MYO1B: variants seen among roughly 807,000 people sequenced by gnomAD.
MYO1B encodes myosin IB.
A neutral mutation model predicts 159.7 loss-of-function variants in MYO1B; 72 were observed. The ratio of observed to expected loss-of-function variants is 0.45; its 90% CI spans 0.37 to 0.55. The LOEUF is 0.55. Among genes scored for constraint, MYO1B ranks in the 20% least tolerant of loss-of-function variants. The probability of loss-of-function intolerance (pLI) is 0.00; values close to 1 mark genes in which losing one functional copy is unlikely to be tolerated. For synonymous variants in MYO1B, 468 were observed against 473.8 expected, an observed-to-expected ratio of 0.99 and a Z score of 0.16; for missense variants, 1,062 against 1,364.8, an observed-to-expected ratio of 0.78 and a Z score of 3.50.
chr2:191,303,331 G>T (rs1485262235), intron 3 of MYO1B, among the ~76,000 whole-genome samples: 1 of 152,158 alleles, frequency 6.6e-6, no homozygotes, highest in East Asian at 1.9e-4. Flanking sequence ...GTGTGCGTGT[G>T]TGTGTTGATG....
intron 11 of MYO1B, among the ~76,000 whole-genome samples, chr2:191,368,860 G>A (rs1694179212): frequency 6.6e-6 from 1 of 152,154 alleles, no homozygotes; most frequent in African/African-American, 2.4e-5. Context: ...TGTAGTCCCA[G>A]TCACTCGGGA....
At chr2:191,251,633 T>C (rs932125215) in intron 1 of MYO1B, among the ~76,000 whole-genome samples, 5 of 152,232 alleles carry the variant, frequency 3.3e-5, no homozygotes, top group Admixed American at 2.0e-4. Context: ...AATGAAAATA[T>C]AGTAATGTAT....
At chr2:191,278,965 T>C (rs1285076223) in intron 2 of MYO1B, among the ~76,000 whole-genome samples, 1 of 152,190 alleles carries the variant, frequency 6.6e-6, no homozygotes, top group Non-Finnish European at 1.5e-5. Context: ...AGATGGAGAG[T>C]AGAACATTAC....
chr2:191,279,947 G>T (rs1687958857), intron 2 of MYO1B, among the ~76,000 whole-genome samples: 1 of 152,142 alleles, frequency 6.6e-6, no homozygotes, highest in South Asian at 2.1e-4. Context: ...TCTGGATCTG[G>T]ATACACCCAT....
chr2:191,277,140 G>T, intron 2 of MYO1B, 110 bp downstream of exon 2: 1 of 1,353,554 alleles, frequency 7.4e-7, no homozygotes, highest in Non-Finnish European at 1.0e-6. Context: ...TTTGAGTCCA[G>T]CAGTATTTGC....
intron 4 of MYO1B, among the ~76,000 whole-genome samples, chr2:191,341,076 T>C (rs1486661339): frequency 6.6e-6 from 1 of 152,154 alleles, no homozygotes; most frequent in East Asian, 1.9e-4. Flanking sequence ...AGAAGAGCAG[T>C]CTTTTAAACT....
At chr2:191,277,388 C>T (rs780796620) in intron 2 of MYO1B, among the ~76,000 whole-genome samples, 36 of 152,188 alleles carry the variant, frequency 2.4e-4, no homozygotes, top group Non-Finnish European at 1.5e-4. Flanking sequence ...AGAAGCTACT[C>T]ATTGAAATGC....
chr2:191,360,923 T>A (rs764325620), intron 8 of MYO1B, among the ~76,000 whole-genome samples, 194 bp downstream of exon 8: 17 of 152,162 alleles, frequency 1.1e-4, no homozygotes, highest in Non-Finnish European at 2.4e-4. Context: ...ATGTTTTAAT[T>A]TTCAGTGTCA....
At chr2:191,333,494 G>T (rs1222738306) in intron 4 of MYO1B, among the ~76,000 whole-genome samples, 1 of 151,818 alleles carries the variant, frequency 6.6e-6, no homozygotes, top group Non-Finnish European at 1.5e-5. Context: ...TCCTAATTTT[G>T]TCAGTTCTGG....
At chr2:191,266,309 G>T (rs1418162955) in intron 1 of MYO1B, among the ~76,000 whole-genome samples, 1 of 152,186 alleles carries the variant, frequency 6.6e-6, no homozygotes, top group Non-Finnish European at 1.5e-5. Context: ...TCTCAGTCAG[G>T]CTACATAACA....
At chr2:191,367,325 AAAGCTCAATATT>A (rs1175816634) in intron 11 of MYO1B, among the ~76,000 whole-genome samples, 1 of 152,162 alleles carries the variant, frequency 6.6e-6, no homozygotes, top group Non-Finnish European at 1.5e-5. Flanking sequence ...AGGGCCAGGT[AAAGCTCAATATT>A]TTTAGTTGAC....
chr2:191,391,605 A>T (rs1031636702), intron 18 of MYO1B, among the ~76,000 whole-genome samples: 1 of 152,202 alleles, frequency 6.6e-6, no homozygotes, highest in African/African-American at 2.4e-5. Context: ...ACCGGGGTCC[A>T]GGATGGAGAG....
chr2:191,288,353 C>G (rs1688504566), intron 2 of MYO1B, among the ~76,000 whole-genome samples: 1 of 151,984 alleles, frequency 6.6e-6, no homozygotes, highest in South Asian at 2.1e-4. Flanking sequence ...CAAATCATGC[C>G]CATCTTTTTA....
At chr2:191,371,309 G>C (rs1387924432) in intron 13 of MYO1B, among the ~76,000 whole-genome samples, 1 of 152,104 alleles carries the variant, frequency 6.6e-6, no homozygotes, top group Non-Finnish European at 1.5e-5. Context: ...AAAAACATCA[G>C]ATCATTCCTT....
intron 1 of MYO1B, among the ~76,000 whole-genome samples, chr2:191,265,431 G>A (rs942138840): frequency 6.6e-6 from 1 of 152,076 alleles, no homozygotes; most frequent in Non-Finnish European, 1.5e-5. Context: ...TACAAGTGGT[G>A]TAAGACTTTG....
chr2:191,370,193 CTTAA>C (rs763095745), intron 12 of MYO1B, 30 bp from the exon 13 acceptor site: 9 of 1,483,692 alleles, frequency 6.1e-6, no homozygotes, highest in Admixed American at 1.7e-5. Context: ...TATTTCATGC[CTTAA>C]TTAACCCTTT....
intron 17 of MYO1B, chr2:191,387,820 G>A (rs1028351847): frequency 3.3e-6 from 1 of 302,512 alleles, no homozygotes; most frequent in African/African-American, 2.2e-5. Context: ...GCTTCATTTG[G>A]GATTCTTGTT....
chr2:191,377,865 T>C (rs1017373033), intron 13 of MYO1B: 1 of 152,238 alleles, frequency 6.6e-6, no homozygotes, highest in Non-Finnish European at 1.5e-5. Context: ...GCCTTCACTT[T>C]GAGCAGTAAG....
At chr2:191,277,078 T>G in intron 2 of MYO1B, 48 bp downstream of exon 2, 1 of 1,584,814 alleles carries the variant, frequency 6.3e-7, no homozygotes, top group Non-Finnish European at 8.5e-7. Flanking sequence ...TTGTATTTTG[T>G]GCCAGAGAGC....
Sources: allele counts gnomAD v4.1 joint callset (sites outside exome capture counted in the v4.1 genomes callset), GRCh38; gene constraint gnomAD v4.1.1; transcripts MANE v1.5; gene names NCBI Gene and HGNC (gene_info 2026-07-23, HGNC 2026-07-21).